The following DLGAP2 variants were observed in gnomAD, a reference collection of about 807,000 sequenced individuals.
DLGAP2 encodes disks large-associated protein 2.
DLGAP2 carries 26 observed loss-of-function variants against 100.3 expected under a neutral mutation model. The observed-to-expected ratio is 0.26, with a 90% CI of 0.19 to 0.36. The LOEUF (loss-of-function observed/expected upper bound fraction) is 0.36, where lower values mean the gene tolerates loss of function less well. Ranked by LOEUF, DLGAP2 falls within the 10% of genes least tolerant of loss-of-function variation. DLGAP2 has a pLI of 1.00. For missense variants in DLGAP2, 1,858 were observed against 1,453.2 expected (o/e 1.28, Z -4.53); for synonymous variants, 886 against 630.1 (o/e 1.41, Z -6.08).
Position 1,419,441 on chromosome 8 carries a change from C to CGTGT in DLGAP2, c.107-81894_107-81891dup, listed in dbSNP as rs71190735. 1.7e-3 allele frequency among the ~76,000 whole-genome samples: 92 copies of CGTGT among 52,998 alleles called. 5 individuals are homozygous for CGTGT. The highest frequency in any genetic ancestry group is 0.016 in the East Asian group (9 of 580). The allele number at this position is 52,998 out of a possible 152,430, so 34.8% of individuals were successfully genotyped here. A position where few individuals can be genotyped will look rare whatever the true frequency, so the allele number is the denominator to read the frequency against. On this transcript the variant is annotated intron_variant, in intron 3 of 14. Transcript: ENST00000637795. Reference sequence around the variant, plus strand: ...TGGGATACTGTGTTACACTCTGATACGTGTGTGTGTGTGTGTGTGTGTGTG... The same window carrying CGTGT: ...TGGGATACTGTGTTACACTCTGATACGTGTGTGTGTGTGTGTGTGTGTGTGTGTG...
chr8:1,044,159 C>G (rs1274285030), intron 2 of DLGAP2, among the ~76,000 whole-genome samples: 1 of 152,154 alleles, frequency 6.6e-6, no homozygotes, highest in African/African-American at 2.4e-5. Flanking sequence ...CCCTTACAGC[C>G]TGGCACAGAC....
chr8:961,397 A>C (rs1584926522), intron 2 of DLGAP2, among the ~76,000 whole-genome samples: 1 of 152,192 alleles, frequency 6.6e-6, no homozygotes, highest in Non-Finnish European at 1.5e-5. Flanking sequence ...CCTGTAACAG[A>C]GGGTGTATGC....
chr8:1,164,117 C>CCT (rs397946519), intron 2 of DLGAP2, among the ~76,000 whole-genome samples: 1 of 126,742 alleles, frequency 7.9e-6, no homozygotes, highest in African/African-American at 3.0e-5. Flanking sequence ...TGTGAGCCCG[C>CCT]AGGGCCCGTC....
At position 820,461 on chromosome 8, in the gene DLGAP2, A is replaced by G. The variant is rs1796563065; in HGVS notation, c.18+82636A>G. Reference sequence around the variant, plus strand: ...TGTGTAGAATAGATAAGCATCCGGCATATGTAAAGAGTTCCTCGAAAGCAA... The same window carrying G: ...TGTGTAGAATAGATAAGCATCCGGCGTATGTAAAGAGTTCCTCGAAAGCAA... On this transcript the variant is annotated intron_variant, in intron 1 of 14. Coordinates refer to ENST00000637795, the MANE Select transcript of DLGAP2 (RefSeq NM_001346810.2). Among the ~76,000 whole-genome samples the G allele has an allele frequency of 2.0e-5, 3 of 152,228 alleles. No individual in the cohort carries two copies. The South Asian group carries it at 6.2e-4, about 32-fold the overall frequency.
At position 855,790 on chromosome 8, in the gene DLGAP2, A is replaced by G. The variant is rs187708595; in HGVS notation, c.19-52122A>G. Among the ~76,000 whole-genome samples the G allele has an allele frequency of 4.1e-3, 630 of 152,342 alleles. 1 individual carries two copies. Among genetic ancestry groups the G allele is most frequent in the Non-Finnish European group, 7.1e-3 (481 of 68,026 alleles). On this transcript the variant is annotated intron_variant, in intron 1 of 14. Transcript: ENST00000637795. ...TGTAATCATCGCATCAGCAGGCTAAAGAAGAGAAGTCCTGTGGTCATATTC... is the reference window on the plus strand; with the variant it reads ...TGTAATCATCGCATCAGCAGGCTAAGGAAGAGAAGTCCTGTGGTCATATTC...
intron 8 of DLGAP2, among the ~76,000 whole-genome samples, chr8:1,663,209 C>A (rs114985988): frequency 0.012 from 1,801 of 151,358 alleles, 33 homozygotes; most frequent in African/African-American, 0.042. Flanking sequence ...TGTGTGTGTA[C>A]ACGTGTGAGT....
At chr8:780,653 T>C (rs1267992563) in intron 1 of DLGAP2, among the ~76,000 whole-genome samples, 2 of 152,228 alleles carry the variant, frequency 1.3e-5, no homozygotes, top group African/African-American at 2.4e-5. Flanking sequence ...TTTGAAAATA[T>C]CCGCTCTAGT....
At chr8:831,370 C>G (rs967072344) in intron 1 of DLGAP2, among the ~76,000 whole-genome samples, 1 of 152,046 alleles carries the variant, frequency 6.6e-6, no homozygotes, top group Non-Finnish European at 1.5e-5. Flanking sequence ...ACCCCAGCCC[C>G]CCATCCCGCA....
At chr8:1,295,544 G>A (rs1260844094) in intron 3 of DLGAP2, among the ~76,000 whole-genome samples, 5 of 152,232 alleles carry the variant, frequency 3.3e-5, no homozygotes, top group Non-Finnish European at 4.4e-5. Context: ...CCACCGAAGT[G>A]GAAGGGGCTC....
At chr8:968,995 T>A (rs1473439309) in intron 2 of DLGAP2, among the ~76,000 whole-genome samples, 1 of 152,198 alleles carries the variant, frequency 6.6e-6, no homozygotes, top group African/African-American at 2.4e-5. Flanking sequence ...TGCTGCATAG[T>A]GTGTGGGTTC....
chr8:1,483,671 G>GGCAGGTGCAGGAGGTGGGGACCAGGGAT (rs370259758), intron 3 of DLGAP2, among the ~76,000 whole-genome samples: 12 of 151,608 alleles, frequency 7.9e-5, no homozygotes, highest in African/African-American at 2.9e-4. Context: ...AGAGCAGGGA[G>GGCAGGTGCAGGAGGTGGGGACCAGGGAT]GCAGGTGCAG....
chr8:1,685,923 A>G (rs6986016), intron 12 of DLGAP2, among the ~76,000 whole-genome samples: 2 of 151,920 alleles, frequency 1.3e-5, no homozygotes, highest in African/African-American at 4.8e-5. Context: ...AGACAAAAAA[A>G]CAGCAAATGC....
intron 8 of DLGAP2, among the ~76,000 whole-genome samples, chr8:1,639,574 C>T (rs1797848207): frequency 6.6e-6 from 1 of 152,218 alleles, no homozygotes; most frequent in Admixed American, 6.5e-5. Context: ...GACTGAGGAA[C>T]CCCTACAAAG....
Position 1,375,248 on chromosome 8 carries a change from A to G in DLGAP2, c.106+116365A>G, listed in dbSNP as rs57385329. On this transcript the variant is annotated intron_variant, in intron 3 of 14. Transcript: ENST00000637795. ...TTTGGGTTAACGACACCTCTCCACG[A>G]CCTCAGAACTGAGCCCCCACCTCCT... 3.0e-3 allele frequency among the ~76,000 whole-genome samples: 239 copies of G among 79,656 alleles called. 1 individual carries two copies. Among genetic ancestry groups the G allele is most frequent in the Middle Eastern group, 8.1e-3 (1 of 124 alleles). 52.3% of individuals were successfully genotyped at this position (79,656 alleles called of 152,430 possible).
At chr8:966,282 T>G (rs1799869155) in intron 2 of DLGAP2, among the ~76,000 whole-genome samples, 1 of 152,200 alleles carries the variant, frequency 6.6e-6, no homozygotes, top group African/African-American at 2.4e-5. Context: ...TATGAATGAG[T>G]GAAGCTTCAT....
chr8:1,031,080 C>T (rs1210255683), intron 2 of DLGAP2, among the ~76,000 whole-genome samples: 5 of 152,230 alleles, frequency 3.3e-5, no homozygotes, highest in Non-Finnish European at 4.4e-5. Context: ...GCCTGCCTGG[C>T]GTCTGCGGGA....
chr8:1,209,530 C>T (rs749174552), intron 2 of DLGAP2, among the ~76,000 whole-genome samples: 1 of 152,160 alleles, frequency 6.6e-6, no homozygotes, highest in African/African-American at 2.4e-5. Context: ...TTCATAAATA[C>T]AATTAATCCG....
intron 12 of DLGAP2, among the ~76,000 whole-genome samples, chr8:1,689,298 C>G (rs1026276881): frequency 1.1e-4 from 16 of 152,174 alleles, no homozygotes; most frequent in African/African-American, 3.9e-4. Flanking sequence ...GCACAAGATC[C>G]CCAGGTGAGG....
intron 2 of DLGAP2, among the ~76,000 whole-genome samples, chr8:1,132,649 T>C (rs1796318538): frequency 6.6e-6 from 1 of 152,234 alleles, no homozygotes; most frequent in African/African-American, 2.4e-5. Context: ...AGAAGGCGTT[T>C]ACTGGAGAGC....
Sources: gnomAD v4.1 joint callset for allele counts (sites outside exome capture counted in the v4.1 genomes callset) on GRCh38, gnomAD v4.1.1 for gene constraint, MANE v1.5 for transcripts, NCBI Gene and HGNC (gene_info 2026-07-23, HGNC 2026-07-21) for gene names.